Variants in ERC1 observed in about 807,000 individuals in gnomAD.
The protein encoded by ERC1 is ELKS/RAB6-interacting/CAST family member 1, also known as RAB6 interacting protein 2.
A neutral mutation model predicts 132.0 loss-of-function variants in ERC1; 56 were observed. That is an observed-to-expected ratio of 0.42 (90% CI 0.34 to 0.53). ERC1 has a LOEUF of 0.53. Among genes scored for constraint, ERC1 ranks in the 20% least tolerant of loss-of-function variants. The pLI is 0.03. For missense variants in ERC1, 1,202 were observed against 1,349.9 expected (o/e 0.89, Z 1.72); for synonymous variants, 478 against 476.1 (o/e 1.00, Z -0.05).
Position 1,491,651 on chromosome 12 carries a change from T to C in ERC1, c.*1421T>C. 1 of 230,282 alleles carries C rather than the reference T, an allele frequency of 4.3e-6. No homozygotes were observed. The highest frequency in any genetic ancestry group is 2.2e-5 in the African/African-American group (1 of 45,260). 14.3% of individuals were successfully genotyped at this position (230,282 alleles called of 1,614,324 possible). The stretch of plus-strand genomic sequence containing the variant: ...ATTCCATTTGATGATTCTGGATTTT[T>C]GCTGTTTGTTATTGCCCTTAGAGGG... On this transcript the variant is annotated 3_prime_UTR_variant, in exon 19 of 19. Coordinates refer to ENST00000360905, the MANE Select transcript of ERC1 (RefSeq NM_178040.4).
intron 18 of ERC1, among the ~76,000 whole-genome samples, chr12:1,477,443 G>T (rs1431363743): frequency 6.6e-6 from 1 of 152,142 alleles, no homozygotes; most frequent in Admixed American, 6.5e-5. Context: ...CCCTGCACGT[G>T]TGAGACTGAG....
At chr12:1,053,907 C>T (rs1972475947) in intron 2 of ERC1, among the ~76,000 whole-genome samples, 1 of 152,080 alleles carries the variant, frequency 6.6e-6, no homozygotes, top group East Asian at 1.9e-4. Context: ...CCCTGGAAAC[C>T]ACCTCTGTTT....
intron 17 of ERC1, among the ~76,000 whole-genome samples, chr12:1,417,761 AC>A (rs1176057038): frequency 2.0e-5 from 3 of 150,526 alleles, no homozygotes; most frequent in Non-Finnish European, 4.4e-5. Flanking sequence ...AGCCTGGGCA[AC>A]AGAGCAAGAC....
intron 16 of ERC1, among the ~76,000 whole-genome samples, chr12:1,402,525 A>G (rs957976455): frequency 2.0e-5 from 3 of 152,148 alleles, no homozygotes; most frequent in Non-Finnish European, 2.9e-5. Flanking sequence ...ACTGTCTCAA[A>G]AAAAAGAAAG....
At chr12:1,293,372 C>T (rs1260081419) in intron 15 of ERC1, among the ~76,000 whole-genome samples, 1 of 134,238 alleles carries the variant, frequency 7.4e-6, no homozygotes, top group Non-Finnish European at 1.6e-5. Flanking sequence ...AGAATAGCAT[C>T]AACCCAGGAG....
intron 12 of ERC1, among the ~76,000 whole-genome samples, chr12:1,199,896 A>G (rs1956745084): frequency 6.6e-6 from 1 of 151,878 alleles, no homozygotes. Flanking sequence ...CCCAAATCCT[A>G]TGAACAGATT....
At chr12:1,125,792 G>A (rs545612797) in intron 7 of ERC1, among the ~76,000 whole-genome samples, 1 of 152,326 alleles carries the variant, frequency 6.6e-6, no homozygotes, top group Non-Finnish European at 1.5e-5. Context: ...TCCAGTCTGG[G>A]TGACAAGAGC....
chr12:1,140,102 G>A (rs964304545), intron 7 of ERC1, among the ~76,000 whole-genome samples: 1 of 152,156 alleles, frequency 6.6e-6, no homozygotes, highest in Non-Finnish European at 1.5e-5. Flanking sequence ...TCGCGTAGAA[G>A]TAGTTGGTAG....
chr12:1,299,749 G>T (rs893729598), intron 15 of ERC1, among the ~76,000 whole-genome samples: 12 of 152,130 alleles, frequency 7.9e-5, no homozygotes, highest in Non-Finnish European at 1.0e-4. Flanking sequence ...CCTACCAAAT[G>T]GATCAAGGGA....
Position 1,493,540 on chromosome 12 carries a change from A to ATATATATATATATATATAT in ERC1, c.*3310_*3311insTATATATATATATATATAT, listed in dbSNP as rs59708005. ...TGACAGAGACTCCATTTAAAAAAAA[A>ATATATATATATATATATAT]AAAAAAAAATATATATATATATATA... On this transcript the variant is annotated 3_prime_UTR_variant, in exon 19 of 19. Coordinates refer to ENST00000360905, the MANE Select transcript of ERC1 (RefSeq NM_178040.4). 3 of 22,392 alleles carry ATATATATATATATATATAT rather than the reference A, an allele frequency of 1.3e-4. No homozygotes were observed. The highest frequency in any genetic ancestry group is 2.4e-4 in the African/African-American group (2 of 8,304). The allele number at this position is 22,392 out of a possible 1,614,324, so 1.4% of individuals were successfully genotyped here. A position where few individuals can be genotyped will look rare whatever the true frequency, so the allele number is the denominator to read the frequency against.
At chr12:1,365,346 A>G (rs914212362) in intron 15 of ERC1, among the ~76,000 whole-genome samples, 5 of 152,162 alleles carry the variant, frequency 3.3e-5, no homozygotes, top group Non-Finnish European at 5.9e-5. Context: ...AAATGCCTTA[A>G]AAGTGCAGTG....
At chr12:1,225,615 C>T (rs182667612) in intron 12 of ERC1, among the ~76,000 whole-genome samples, 244 of 152,296 alleles carry the variant, frequency 1.6e-3, no homozygotes, top group African/African-American at 5.6e-3. Flanking sequence ...TTTAAAATCA[C>T]TTACTCTTCG....
intron 17 of ERC1, among the ~76,000 whole-genome samples, chr12:1,429,663 A>AATT (rs1336810407): frequency 2.0e-5 from 3 of 152,206 alleles, no homozygotes; most frequent in African/African-American, 7.2e-5. Context: ...AACAGAGAAA[A>AATT]ATTATACAAG....
intron 16 of ERC1, among the ~76,000 whole-genome samples, chr12:1,398,158 A>AT (rs2090700585): frequency 6.6e-6 from 1 of 151,528 alleles, no homozygotes; most frequent in Non-Finnish European, 1.5e-5. Flanking sequence ...TAGTTTTTGT[A>AT]TTTTTTGTAG....
In ERC1 at chr12:1,104,759, C is replaced by G; in HGVS notation, c.1096C>G (p.Arg366Gly). The G allele has an allele frequency of 6.2e-7, 1 of 1,611,814 alleles. No individual in the cohort carries two copies. Among genetic ancestry groups the G allele is most frequent in the Non-Finnish European group, 8.5e-7 (1 of 1,177,966 alleles). Residue 366 changes from arginine (R) to glycine (G), a missense_variant, in exon 4 of 19, where the codon CGA becomes GGA. Transcript: ENST00000360905. ...ENSMLREEMH[R>G]RFENAPDSAK... ...TGCCTCTTTTCTACAGGAGATGCAT[C>G]GAAGGTTTGAGAATGCTCCTGATTC... is the stretch of plus-strand genomic sequence containing the variant.
chr12:1,036,189 G>A (rs191993546), intron 2 of ERC1, among the ~76,000 whole-genome samples: 52 of 151,936 alleles, frequency 3.4e-4, no homozygotes, highest in Admixed American at 3.4e-3. Context: ...TGATTTTTAT[G>A]TTGCTCATTT....
chr12:1,159,805 G>A (rs966506965), intron 8 of ERC1, among the ~76,000 whole-genome samples: 6 of 152,082 alleles, frequency 3.9e-5, no homozygotes, highest in African/African-American at 9.7e-5. Flanking sequence ...TTCATGTTCC[G>A]TTCACGGCCC....
At chr12:1,261,853 A>G (rs1216481370) in intron 13 of ERC1, among the ~76,000 whole-genome samples, 1 of 152,176 alleles carries the variant, frequency 6.6e-6, no homozygotes, top group African/African-American at 2.4e-5. Context: ...TCTAAATCTC[A>G]TTTTTTAAAA....
chr12:992,246 A>T lies in ERC1; in HGVS notation c.-157+924A>T, dbSNP rs554194249. ...CCTGGCCCCTTGAGAGAAGGCCCCA[A>T]ACTCAGGTGGTTGCTTTGGAAGGCA... On this transcript the variant is annotated intron_variant, in intron 1 of 18. Transcript: ENST00000360905. Among the ~76,000 whole-genome samples, 428 of 152,262 alleles carry T rather than the reference A, an allele frequency of 2.8e-3. 2 individuals carry two copies. Among genetic ancestry groups the T allele is most frequent in the African/African-American group, 9.5e-3 (393 of 41,538 alleles).
Sources: allele counts gnomAD v4.1 joint callset (sites outside exome capture counted in the v4.1 genomes callset), GRCh38; gene constraint gnomAD v4.1.1; transcripts MANE v1.5; gene names NCBI Gene and HGNC (gene_info 2026-07-23, HGNC 2026-07-21).